Variants in HS3ST5 observed in about 807,000 individuals in gnomAD.
The protein encoded by HS3ST5 is heparan sulfate-glucosamine 3-sulfotransferase 5.
In HS3ST5, 10 loss-of-function variants were observed where a neutral mutation model predicts 25.4. The ratio of observed to expected loss-of-function variants is 0.39; its 90% CI spans 0.24 to 0.67. The LOEUF is 0.67. Among genes scored for constraint, HS3ST5 ranks in the 30% least tolerant of loss-of-function variants. HS3ST5 has a pLI of 0.44. For synonymous variants in HS3ST5, 170 were observed against 162.4 expected, an observed-to-expected ratio of 1.05 and a Z score of -0.36; for missense variants, 324 against 420.7, an observed-to-expected ratio of 0.77 and a Z score of 2.01.
At chr6:114,084,166 G>A (rs973541627) in intron 3 of HS3ST5, 10 of 815,980 alleles carry the variant, frequency 1.2e-5, no homozygotes, top group South Asian at 2.7e-5. Context: ...TGCAAGAACA[G>A]CTTAAGACCA....
intron 1 of HS3ST5, among the ~76,000 whole-genome samples, chr6:114,336,269 G>A (rs1776607903): frequency 1.3e-5 from 2 of 152,128 alleles, no homozygotes; most frequent in South Asian, 4.1e-4. Flanking sequence ...ATTATCATAT[G>A]GATATCAATG....
At chr6:114,193,030 AT>A (rs113944634) in intron 2 of HS3ST5, among the ~76,000 whole-genome samples, 1 of 151,968 alleles carries the variant, frequency 6.6e-6, no homozygotes, top group Non-Finnish European at 1.5e-5. Context: ...TATCTGTGGG[AT>A]TTTTTTCTTC....
chr6:114,163,865 G>C (rs1779088323), intron 3 of HS3ST5, among the ~76,000 whole-genome samples: 1 of 152,142 alleles, frequency 6.6e-6, no homozygotes, highest in East Asian at 1.9e-4. Flanking sequence ...GGGTCTAAAA[G>C]ATCTGGGTTT....
intron 3 of HS3ST5, among the ~76,000 whole-genome samples, chr6:114,164,507 C>T (rs1010971203): frequency 6.6e-6 from 1 of 152,168 alleles, no homozygotes; most frequent in African/African-American, 2.4e-5. Context: ...ATAGATTCTC[C>T]ATCTCAGCAG....
chr6:114,120,714 C>G (rs563474318), intron 3 of HS3ST5, among the ~76,000 whole-genome samples: 1 of 151,824 alleles, frequency 6.6e-6, no homozygotes, highest in African/African-American at 2.4e-5. Context: ...AAATACTTAA[C>G]AGAGAAAAAA....
intron 3 of HS3ST5, among the ~76,000 whole-genome samples, chr6:114,115,707 CTCTT>C (rs1188297145): frequency 6.6e-6 from 1 of 152,066 alleles, no homozygotes; most frequent in Non-Finnish European, 1.5e-5. Flanking sequence ...GAAGGAAGTT[CTCTT>C]TCTTTTTATT....
chr6:114,332,519 G>A (rs1776444039), intron 1 of HS3ST5, among the ~76,000 whole-genome samples: 2 of 152,142 alleles, frequency 1.3e-5, no homozygotes, highest in African/African-American at 4.8e-5. Context: ...GCATAAAAAA[G>A]TCAGACACAG....
At chr6:114,064,719 A>G (rs945429971) in intron 3 of HS3ST5, among the ~76,000 whole-genome samples, 1 of 152,232 alleles carries the variant, frequency 6.6e-6, no homozygotes, top group Non-Finnish European at 1.5e-5. Flanking sequence ...TTAAGCCTAC[A>G]TACAGGATTA....
At chr6:114,231,194 A>G (rs986834328) in intron 1 of HS3ST5, among the ~76,000 whole-genome samples, 7 of 152,174 alleles carry the variant, frequency 4.6e-5, no homozygotes, top group African/African-American at 1.7e-4. Flanking sequence ...CTAAACCCAT[A>G]AAAACCTTCC....
At chr6:114,072,562 G>C (rs1419769730) in intron 3 of HS3ST5, among the ~76,000 whole-genome samples, 2 of 152,090 alleles carry the variant, frequency 1.3e-5, no homozygotes, top group Admixed American at 6.6e-5. Context: ...TGTTGCATCT[G>C]TACAATGGAA....
chr6:114,187,010 G>C (rs923762305), intron 2 of HS3ST5, among the ~76,000 whole-genome samples: 1 of 152,184 alleles, frequency 6.6e-6, no homozygotes, highest in African/African-American at 2.4e-5. Flanking sequence ...AGTGTTTTAA[G>C]ACCACTGTTG....
At chr6:114,217,594 T>A (rs1314975251) in intron 2 of HS3ST5, among the ~76,000 whole-genome samples, 1 of 152,180 alleles carries the variant, frequency 6.6e-6, no homozygotes, top group African/African-American at 2.4e-5. Context: ...GAACAGTCTA[T>A]ATCTACTGAG....
rs34370810 is a variant in HS3ST5, at chr6:114,184,054, C to CTTT, written c.-144-15595_-144-15593dup. Among the ~76,000 whole-genome samples, 112 of 78,740 alleles carry CTTT rather than the reference C, an allele frequency of 1.4e-3. 6 individuals are homozygous for CTTT. Among genetic ancestry groups the CTTT allele is most frequent in the Middle Eastern group, 0.015 (1 of 68 alleles). The allele number at this position is 78,740 out of a possible 152,430, so 51.7% of individuals were successfully genotyped here. A position where few individuals can be genotyped will look rare whatever the true frequency, so the allele number is the denominator to read the frequency against. On this transcript the variant is annotated intron_variant, in intron 2 of 4. Transcript: ENST00000312719. ...AGAAGATTTCTTTTCTTTTTCCTTTCTTTTTTTTTTTTTTTTTTTTTTTTT... is the reference window on the plus strand; with the variant it reads ...AGAAGATTTCTTTTCTTTTTCCTTTCTTTTTTTTTTTTTTTTTTTTTTTTTTTT...
intron 1 of HS3ST5, among the ~76,000 whole-genome samples, chr6:114,292,468 G>C (rs1218848560): frequency 1.3e-5 from 2 of 152,078 alleles, no homozygotes; most frequent in Non-Finnish European, 2.9e-5. Flanking sequence ...CCTCCCAAAA[G>C]TCCCCACTTC....
intron 3 of HS3ST5, among the ~76,000 whole-genome samples, chr6:114,151,983 T>A (rs774612305): frequency 4.6e-5 from 7 of 152,114 alleles, no homozygotes; most frequent in Non-Finnish European, 8.8e-5. Flanking sequence ...TAGGCTGGAG[T>A]ACGGTGGCGT....
intron 3 of HS3ST5, among the ~76,000 whole-genome samples, chr6:114,150,932 C>CA (rs1778419889): frequency 6.6e-6 from 1 of 152,150 alleles, no homozygotes; most frequent in Non-Finnish European, 1.5e-5. Flanking sequence ...AATTCTAGTG[C>CA]AACTAGAAAG....
rs185613836 is a variant in HS3ST5 at position 114,132,549 on chromosome 6, G to A, written c.-33+35802C>T. Among the ~76,000 whole-genome samples the A allele has an allele frequency of 1.3e-4, 20 of 152,294 alleles. No homozygotes were observed. The East Asian group carries it at 2.3e-3, about 18-fold the overall frequency. On this transcript the variant is annotated intron_variant, in intron 3 of 4. Transcript: ENST00000312719. ...CTCCTGGTCACAAATAGCATTTTCC[G>A]TACTGTTTACCTATAATCTAAGAGC...
chr6:114,125,795 C>T (rs1227871156), intron 3 of HS3ST5, among the ~76,000 whole-genome samples: 2 of 152,188 alleles, frequency 1.3e-5, no homozygotes, highest in African/African-American at 2.4e-5. Flanking sequence ...GCCTTTCCTG[C>T]TGACTTCTTG....
At chr6:114,316,888 G>C (rs2114864478) in intron 1 of HS3ST5, among the ~76,000 whole-genome samples, 1 of 151,256 alleles carries the variant, frequency 6.6e-6, no homozygotes, top group East Asian at 1.9e-4. Context: ...GAGGTGAGCT[G>C]TGAATCATGA....
Sources: gnomAD v4.1 joint callset for allele counts (sites outside exome capture counted in the v4.1 genomes callset) on GRCh38, gnomAD v4.1.1 for gene constraint, MANE v1.5 for transcripts, NCBI Gene and HGNC (gene_info 2026-07-23, HGNC 2026-07-21) for gene names.